The following FUNDC1 variants were observed in gnomAD, a reference collection of about 807,000 sequenced individuals.
The protein encoded by FUNDC1 is FUN14 domain-containing protein 1.
FUNDC1 carries 10 observed loss-of-function variants against 14.5 expected under a neutral mutation model. That is an observed-to-expected ratio of 0.69 (90% CI 0.43 to 1.17). The LOEUF (loss-of-function observed/expected upper bound fraction) is 1.17, where lower values mean the gene tolerates loss of function less well. Ranked by LOEUF, FUNDC1 falls within the 50% of genes most tolerant of loss-of-function variation. The pLI is 0.00. For missense variants in FUNDC1, 115 were observed against 113.8 expected, an observed-to-expected ratio of 1.01 and a Z score of -0.05; for synonymous variants, 33 against 39.7, an observed-to-expected ratio of 0.83 and a Z score of 0.64.
intron 4 of FUNDC1, 37 bp downstream of exon 4, chrX:44,527,200 A>G: frequency 2.3e-6 from 2 of 866,943 alleles, no homozygotes; most frequent in Non-Finnish European, 3.1e-6. Context: ...AAAAAAAGGA[A>G]AAAAAAAAAA....
At chrX:44,533,685 G>C (rs1220582577) in intron 3 of FUNDC1, among the ~76,000 whole-genome samples, 1 of 99,412 alleles carries the variant, frequency 1.0e-5, no homozygotes, top group African/African-American at 3.8e-5. Context: ...TAGTATCCAA[G>C]TATTAGCCAT....
intron 2 of FUNDC1, among the ~76,000 whole-genome samples, chrX:44,539,672 ATTAAT>A (rs1211113248): frequency 4.5e-5 from 5 of 111,168 alleles, no homozygotes; most frequent in Non-Finnish European, 7.5e-5. Context: ...AATTTAATTA[ATTAAT>A]TTATTTTTTA....
intron 3 of FUNDC1, among the ~76,000 whole-genome samples, 169 bp from the exon 4 acceptor site, chrX:44,527,534 T>C (rs2038907275): frequency 8.9e-6 from 1 of 111,878 alleles, no homozygotes; most frequent in Non-Finnish European, 1.9e-5. Context: ...GTGCCTACCC[T>C]ATGCTAAGTA....
At chrX:44,524,882 G>C (rs2038894841) in intron 4 of FUNDC1, among the ~76,000 whole-genome samples, 1 of 111,405 alleles carries the variant, frequency 9.0e-6, no homozygotes, top group Non-Finnish European at 1.9e-5. Context: ...CTGTAAGGTA[G>C]AGATGAATGG....
chrX:44,528,868 T>C (rs763209853), intron 3 of FUNDC1, among the ~76,000 whole-genome samples: 1 of 110,900 alleles, frequency 9.0e-6, no homozygotes, highest in Admixed American at 9.7e-5. Flanking sequence ...GGCTGATTTT[T>C]TGTTTTTTAG....
chrX:44,532,742 G>A (rs1195605420), intron 3 of FUNDC1, among the ~76,000 whole-genome samples: 2 of 109,540 alleles, frequency 1.8e-5, no homozygotes, highest in Admixed American at 9.9e-5. Flanking sequence ...AGTAGAGATG[G>A]GGTTTCACCT....
intron 3 of FUNDC1, among the ~76,000 whole-genome samples, chrX:44,538,164 A>G (rs1027011913): frequency 7.2e-5 from 8 of 111,617 alleles, no homozygotes; most frequent in Admixed American, 6.7e-4. Flanking sequence ...TTGTATTTTC[A>G]GTAGAGACGG....
At chrX:44,541,612 A>G (rs2038972083) in intron 2 of FUNDC1, among the ~76,000 whole-genome samples, 2 of 111,802 alleles carry the variant, frequency 1.8e-5, no homozygotes, top group South Asian at 7.4e-4. Flanking sequence ...GTAAAAATTT[A>G]CATATAATTA....
At position 44,538,562 on chromosome X, in the gene FUNDC1, G is replaced by T. The variant is rs765750799; in HGVS notation, c.186-20C>A. On this transcript the variant is annotated intron_variant, in intron 2 of 4. Transcript: ENST00000378045. ...GCACACCTTTAATCAAATAACAAAA[G>T]ATGAAAACAATCAATTATGTACTAA... 2.6e-6 allele frequency: 3 copies of T among 1,133,705 alleles called. No homozygotes were observed. The East Asian group carries it at 9.0e-5, about 34-fold the overall frequency. The allele number at this position is 1,133,705 out of a possible 1,213,427, so 93.4% of individuals were successfully genotyped here.
chrX:44,529,176 C>T (rs1361049385), intron 3 of FUNDC1, among the ~76,000 whole-genome samples: 10 of 110,698 alleles, frequency 9.0e-5, no homozygotes, highest in Admixed American at 6.8e-4. Flanking sequence ...CTGGGTGAGA[C>T]CCCTTATCCA....
At chrX:44,525,063 G>C (rs946327607) in intron 4 of FUNDC1, among the ~76,000 whole-genome samples, 1 of 111,769 alleles carries the variant, frequency 8.9e-6, no homozygotes, top group African/African-American at 3.2e-5. Flanking sequence ...GAAGCCATCA[G>C]ACAAAGCCAG....
chrX:44,535,438 C>T (rs2038943387), intron 3 of FUNDC1, among the ~76,000 whole-genome samples: 1 of 109,323 alleles, frequency 9.1e-6, no homozygotes, highest in African/African-American at 3.3e-5. Context: ...GAGGCCGAGG[C>T]GGGCAGATCA....
intron 2 of FUNDC1, among the ~76,000 whole-genome samples, chrX:44,538,795 G>C (rs909411617): frequency 9.0e-6 from 1 of 111,395 alleles, no homozygotes; most frequent in Non-Finnish European, 1.9e-5. Flanking sequence ...AGAAAAAAAA[G>C]AGCAGCTACT....
At chrX:44,535,997 A>G (rs752283784) in intron 3 of FUNDC1, among the ~76,000 whole-genome samples, 28 of 106,949 alleles carry the variant, frequency 2.6e-4, no homozygotes, top group African/African-American at 9.3e-4. Context: ...AAAAAAAAAA[A>G]AAAAGAAGAA....
intron 1 of FUNDC1, 32 bp from the exon 2 acceptor site, chrX:44,542,133 T>C (rs1235240818): frequency 2.8e-6 from 3 of 1,087,713 alleles, no homozygotes; most frequent in Middle Eastern, 2.6e-4. Flanking sequence ...AAAATAAATG[T>C]AGAGTCAATC....
At chrX:44,542,657 A>AGCTCGGAGGGGGT in intron 1 of FUNDC1, 148 bp downstream of exon 1, 1 of 555,631 alleles carries the variant, frequency 1.8e-6, no homozygotes, top group Non-Finnish European at 3.0e-6. Context: ...GAAAAAGTCT[A>AGCTCGGAGGGGGT]GCTCGGAGGG....
At chrX:44,526,111 TCAAAAAAAACAAAAAAAAAAAA>T (rs2038900118) in intron 4 of FUNDC1, among the ~76,000 whole-genome samples, 1 of 19,451 alleles carries the variant, frequency 5.1e-5, no homozygotes, top group African/African-American at 7.8e-5. Flanking sequence ...GAGACCTGTC[TCAAAAAAAACAAAAAAAAAAAA>T]CAAAAAAAAA....
intron 3 of FUNDC1, among the ~76,000 whole-genome samples, chrX:44,533,351 C>G (rs896977555): frequency 9.0e-6 from 1 of 110,750 alleles, no homozygotes; most frequent in African/African-American, 3.3e-5. Flanking sequence ...TATCCAAGGC[C>G]AGGCGCAGTG....
intron 3 of FUNDC1, among the ~76,000 whole-genome samples, chrX:44,537,954 C>T (rs1449352661): frequency 8.9e-6 from 1 of 112,385 alleles, no homozygotes; most frequent in Non-Finnish European, 1.9e-5. Context: ...ATCTATCTGC[C>T]TCAGATATAA....
Sources: gnomAD v4.1 joint callset for allele counts (sites outside exome capture counted in the v4.1 genomes callset) on GRCh38, gnomAD v4.1.1 for gene constraint, MANE v1.5 for transcripts, NCBI Gene and HGNC (gene_info 2026-07-23, HGNC 2026-07-21) for gene names.